Variants in LRRN1 observed in about 807,000 individuals in gnomAD.
LRRN1 encodes leucine-rich repeat neuronal protein 1.
Under a neutral mutation model 45.8 loss-of-function variants are expected in LRRN1, and 14 were observed. The observed-to-expected ratio is 0.31, with a 90% CI of 0.20 to 0.48. The LOEUF is 0.48. Ranked by LOEUF, LRRN1 falls within the 20% of genes least tolerant of loss-of-function variation. The pLI, the probability that LRRN1 is intolerant of heterozygous loss-of-function variation, is 0.99. For missense variants in LRRN1, 789 were observed against 874.2 expected (o/e 0.90, Z 1.23); for synonymous variants, 359 against 330.1 (o/e 1.09, Z -0.95).
intron 1 of LRRN1, among the ~76,000 whole-genome samples, chr3:3,819,885 C>A (rs1303207155): frequency 2.0e-5 from 3 of 152,110 alleles, no homozygotes; most frequent in African/African-American, 7.2e-5. Flanking sequence ...TTTTGACAAC[C>A]ACATGAGGAA....
At chr3:3,830,629 G>T (rs755197388) in intron 1 of LRRN1, among the ~76,000 whole-genome samples, 1 of 152,216 alleles carries the variant, frequency 6.6e-6, no homozygotes, top group Non-Finnish European at 1.5e-5. Flanking sequence ...CAGGCTGGGG[G>T]AGAGAAGGCA....
In LRRN1 at chr3:3,844,663, A is replaced by G. The variant is rs1559311579; in HGVS notation, c.22A>G (p.Ile8Val). Reference sequence around the variant, plus strand: ...CAGCATGGCTAGGATGAGCTTTGTTATAGCAGCTTGCCAATTGGTGCTGGG... The same window carrying G: ...CAGCATGGCTAGGATGAGCTTTGTTGTAGCAGCTTGCCAATTGGTGCTGGG... MARMSFV[I>V]AACQLVLGLL... Residue 8 changes from isoleucine (I) to valine (V), a missense_variant, in exon 2 of 2, where the codon ATA (isoleucine) becomes GTA (valine). Transcript: ENST00000319331. The G allele has an allele frequency of 5.6e-6, 9 of 1,612,960 alleles. No individual in the cohort carries two copies. Among genetic ancestry groups the G allele is most frequent in the Middle Eastern group, 1.7e-4 (1 of 6,052 alleles).
rs945620210 is a variant in LRRN1, at chr3:3,847,125, G to A, written c.*333G>A. 1.9e-4 allele frequency: 35 copies of A among 180,102 alleles called. No homozygotes were observed. Among genetic ancestry groups the A allele is most frequent in the Non-Finnish European group, 4.0e-4 (31 of 76,862 alleles). The allele number at this position is 180,102 out of a possible 1,614,324, so 11.2% of individuals were successfully genotyped here. ...TCAATAAAATGATTAATGACAGGAT[G>A]GGGTTCCCCTGTGCTTTTACCAGTA... On this transcript the variant is annotated 3_prime_UTR_variant, in exon 2 of 2. Coordinates refer to ENST00000319331, the MANE Select transcript of LRRN1 (RefSeq NM_020873.7).
intron 1 of LRRN1, among the ~76,000 whole-genome samples, chr3:3,842,285 G>A (rs535543469): frequency 4.6e-5 from 7 of 151,944 alleles, no homozygotes; most frequent in African/African-American, 1.4e-4. Context: ...GGGGAGGAGG[G>A]AGAAGAATGC....
chr3:3,819,884 C>A (rs935520186), intron 1 of LRRN1, among the ~76,000 whole-genome samples: 3 of 152,110 alleles, frequency 2.0e-5, no homozygotes, highest in African/African-American at 4.8e-5. Context: ...TTTTTGACAA[C>A]CACATGAGGA....
chr3:3,841,071 G>C (rs1449900455), intron 1 of LRRN1, among the ~76,000 whole-genome samples: 1 of 152,124 alleles, frequency 6.6e-6, no homozygotes, highest in Non-Finnish European at 1.5e-5. Flanking sequence ...AGGCCGAAGT[G>C]GACGGATAAC....
intron 1 of LRRN1, among the ~76,000 whole-genome samples, chr3:3,833,518 T>C (rs1575295367): frequency 1.3e-5 from 2 of 152,206 alleles, no homozygotes; most frequent in Non-Finnish European, 2.9e-5. Flanking sequence ...GCTCTTTATA[T>C]AATTAGAGAA....
intron 1 of LRRN1, among the ~76,000 whole-genome samples, chr3:3,834,741 C>A (rs775639899): frequency 6.6e-6 from 1 of 150,930 alleles, no homozygotes; most frequent in South Asian, 2.1e-4. Flanking sequence ...GTCTGATGTT[C>A]GAGGGCAGGA....
At chr3:3,839,220 A>G (rs186420423) in intron 1 of LRRN1, among the ~76,000 whole-genome samples, 40 of 152,282 alleles carry the variant, frequency 2.6e-4, no homozygotes, top group Non-Finnish European at 1.5e-4. Flanking sequence ...CTTTTCATGT[A>G]GATATCCAGT....
chr3:3,800,971 C>A (rs1692638914), intron 1 of LRRN1: 1 of 152,426 alleles, frequency 6.6e-6, no homozygotes. Context: ...CCAGGGAGTC[C>A]CTGCCTGGCA....
chr3:3,815,592 T>A (rs1692971580), intron 1 of LRRN1, among the ~76,000 whole-genome samples: 1 of 152,186 alleles, frequency 6.6e-6, no homozygotes, highest in Non-Finnish European at 1.5e-5. Flanking sequence ...AACTACTTGC[T>A]CACATTTTGT....
At chr3:3,834,282 A>C (rs1693436106) in intron 1 of LRRN1, among the ~76,000 whole-genome samples, 1 of 152,070 alleles carries the variant, frequency 6.6e-6, no homozygotes, top group Non-Finnish European at 1.5e-5. Context: ...ACAAGCAGTG[A>C]ATCAGGAGTG....
intron 1 of LRRN1, among the ~76,000 whole-genome samples, chr3:3,825,337 A>T (rs1469077119): frequency 6.6e-6 from 1 of 152,084 alleles, no homozygotes; most frequent in Non-Finnish European, 1.5e-5. Context: ...TTTCCCAGAG[A>T]TGTTGGATGA....
At chr3:3,813,975 G>A (rs949597137) in intron 1 of LRRN1, among the ~76,000 whole-genome samples, 3 of 152,012 alleles carry the variant, frequency 2.0e-5, no homozygotes, top group South Asian at 2.1e-4. Flanking sequence ...CCATCACTCA[G>A]GCTCAACCTT....
At chr3:3,835,878 A>G (rs1020269864) in intron 1 of LRRN1, among the ~76,000 whole-genome samples, 1 of 152,012 alleles carries the variant, frequency 6.6e-6, no homozygotes, top group Non-Finnish European at 1.5e-5. Flanking sequence ...AAAAAAAAAG[A>G]AGCATCAAAT....
intron 1 of LRRN1, among the ~76,000 whole-genome samples, chr3:3,819,505 T>A (rs952436295): frequency 1.3e-5 from 2 of 152,186 alleles, no homozygotes; most frequent in Admixed American, 1.3e-4. Context: ...GGGGGTTTGC[T>A]GGCAAACTTT....
chr3:3,844,045 T>TTGTG (rs147214946), intron 1 of LRRN1, among the ~76,000 whole-genome samples: 1 of 151,110 alleles, frequency 6.6e-6, no homozygotes, highest in South Asian at 2.1e-4. Context: ...GTGTGTGCAT[T>TTGTG]TGTGTGTGTG....
intron 1 of LRRN1, among the ~76,000 whole-genome samples, chr3:3,800,291 G>T (rs1291334544): frequency 6.6e-6 from 1 of 152,074 alleles, no homozygotes; most frequent in Non-Finnish European, 1.5e-5. Flanking sequence ...AGGGAGGAGG[G>T]CTGCCGGGAT....
chr3:3,848,167 A>G lies in LRRN1; in HGVS notation c.*1375A>G, dbSNP rs1013441694. 2.0e-5 allele frequency among the ~76,000 whole-genome samples: 3 copies of G among 152,210 alleles called. No homozygotes were observed. The highest frequency in any genetic ancestry group is 2.1e-4 in the South Asian group (1 of 4,830). ...TATGCTTAGACCCGTGTTAGTCTCT[A>G]TATCTGTGTGGCAATATCTGCTGAG... On this transcript the variant is annotated 3_prime_UTR_variant, in exon 2 of 2. Transcript: ENST00000319331.
Sources: allele counts gnomAD v4.1 joint callset (sites outside exome capture counted in the v4.1 genomes callset), GRCh38; gene constraint gnomAD v4.1.1; transcripts MANE v1.5; gene names NCBI Gene and HGNC (gene_info 2026-07-23, HGNC 2026-07-21).